TSBP1: variants seen among roughly 807,000 people sequenced by gnomAD.
TSBP1 encodes testis expressed basic protein 1.
A neutral mutation model predicts 68.8 loss-of-function variants in TSBP1; 56 were observed. That is an observed-to-expected ratio of 0.81 (90% CI 0.66 to 1.02). The LOEUF (loss-of-function observed/expected upper bound fraction) is 1.02, where lower values mean the gene tolerates loss of function less well. TSBP1 is among the 50% of genes least tolerant of loss of function. The pLI is 0.00. For synonymous variants in TSBP1, 171 were observed against 208.7 expected, an observed-to-expected ratio of 0.82 and a Z score of 1.56; for missense variants, 502 against 641.2, an observed-to-expected ratio of 0.78 and a Z score of 2.34.
At chr6:32,324,174 T>G (rs1246318282) in intron 16 of TSBP1, among the ~76,000 whole-genome samples, 3 of 152,132 alleles carry the variant, frequency 2.0e-5, no homozygotes, top group Non-Finnish European at 2.9e-5. Context: ...CAACTTAAAG[T>G]TGTTATTTAA....
rs758547173 is a variant in TSBP1 at position 32,300,678 on chromosome 6, A to G, written c.622+2T>C. On this transcript the variant is annotated splice_donor_variant, in intron 21 of 22. Coordinates refer to ENST00000612031, the Ensembl canonical transcript of TSBP1. LOFTEE classifies it high-confidence loss of function. The stretch of plus-strand genomic sequence containing the variant: ...TAAGGCAAGGAAATGATCCAAACTT[A>G]CTGATTTTTCCAGAACTGTCCACTG... 3.7e-6 allele frequency: 6 copies of G among 1,612,418 alleles called. No homozygotes were observed. The highest frequency in any genetic ancestry group is 5.1e-6 in the Non-Finnish European group (6 of 1,179,574).
chr6:32,330,663 C>CACAG, intron 15 of TSBP1, 54 bp from the exon 17 acceptor site: 2 of 1,464,306 alleles, frequency 1.4e-6, no homozygotes, highest in Non-Finnish European at 1.9e-6. Context: ...CACACACACA[C>CACAG]ACACACACAC....
At chr6:32,308,305 T>A (rs890347332) in intron 19 of TSBP1, among the ~76,000 whole-genome samples, 3 of 151,966 alleles carry the variant, frequency 2.0e-5, no homozygotes, top group African/African-American at 7.3e-5. Context: ...TAGACTTTTT[T>A]AACCCTCATT....
At chr6:32,369,373 A>ATTTTT (rs9281761) in intron 2 of TSBP1, among the ~76,000 whole-genome samples, 3 of 127,022 alleles carry the variant, frequency 2.4e-5, no homozygotes, top group African/African-American at 8.8e-5. Context: ...AAACTCTGTG[A>ATTTTT]TTTTTTTTTT....
chr6:32,369,495 C>T (rs1203931237), intron 2 of TSBP1, among the ~76,000 whole-genome samples: 5 of 151,594 alleles, frequency 3.3e-5, no homozygotes, highest in East Asian at 1.9e-4. Context: ...CTCAGTCTCC[C>T]GAGCGGCTAG....
intron 16 of TSBP1, chr6:32,324,660 T>G (rs572889426): frequency 9.0e-6 from 14 of 1,550,850 alleles, no homozygotes; most frequent in South Asian, 8.3e-5. Flanking sequence ...ACTTACTGAT[T>G]GTGTGAGGAT....
At chr6:32,309,380 A>G (rs1312245922) in intron 19 of TSBP1, among the ~76,000 whole-genome samples, 1 of 149,804 alleles carries the variant, frequency 6.7e-6, no homozygotes, top group East Asian at 1.9e-4. Context: ...CTTCTTTTTG[A>G]GTTTTTACTC....
chr6:32,331,897 T>TA lies in TSBP1; in HGVS notation c.493+136dup, dbSNP rs878946520. On this transcript the variant is annotated intron_variant, in intron 15 of 22. Coordinates refer to ENST00000612031, the Ensembl canonical transcript of TSBP1. Reference sequence around the variant, plus strand: ...CGCCTTCCCTCCAAAACCTAACAGTTACGATATGGGGAAATGAAAGTCTAA... The same window carrying TA: ...CGCCTTCCCTCCAAAACCTAACAGTTAACGATATGGGGAAATGAAAGTCTAA... The TA allele has an allele frequency of 1.8e-5, 13 of 705,988 alleles. 1 individual carries two copies. In the South Asian group the frequency reaches 2.3e-4, roughly 13 times the overall value. The allele number at this position is 705,988 out of a possible 1,614,324, so 43.7% of individuals were successfully genotyped here. A position where few individuals can be genotyped will look rare whatever the true frequency, so the allele number is the denominator to read the frequency against.
chr6:32,302,537 CA>C lies in TSBP1; in HGVS notation c.601+71del. The C allele has an allele frequency of 1.0e-6, 1 of 956,136 alleles. No homozygotes were observed. The highest frequency in any genetic ancestry group is 1.7e-6 in the Non-Finnish European group (1 of 597,142). 59.2% of individuals were successfully genotyped at this position (956,136 alleles called of 1,614,324 possible). A position where few individuals can be genotyped will look rare whatever the true frequency, so the allele number is the denominator to read the frequency against. On this transcript the variant is annotated intron_variant, in intron 20 of 22. Transcript: ENST00000612031. The surrounding 1 kb of genome is among the most constrained non-coding windows in gnomAD (Gnocchi z 5.1). The stretch of plus-strand genomic sequence containing the variant: ...AAAAACAAACATAAAACATTAAAAA[CA>C]TTTGTAGAAAAAATTTGCTCACCCC...
At position 32,325,927 on chromosome 6, in the gene TSBP1, G is replaced by A; in HGVS notation, c.515-2313C>T. On this transcript the variant is annotated intron_variant, in intron 16 of 22. Coordinates refer to ENST00000612031, the Ensembl canonical transcript of TSBP1. The surrounding 1 kb of genome is among the most constrained non-coding windows in gnomAD (Gnocchi z 4.4). The stretch of plus-strand genomic sequence containing the variant: ...TGGCAGCTGTGGTGGTGGTGGATAT[G>A]GTGGCAGTGAGGATGGCTATAATGG... 3 of 1,555,384 alleles carry A rather than the reference G, an allele frequency of 1.9e-6. No individual in the cohort carries two copies. Among genetic ancestry groups the A allele is most frequent in the Non-Finnish European group, 2.6e-6 (3 of 1,141,482 alleles).
chr6:32,371,663 A>G, intron 1 of TSBP1, 31 bp downstream of exon 1: 31 of 1,555,190 alleles, frequency 2.0e-5, no homozygotes, highest in Non-Finnish European at 2.8e-5. Context: ...ACTAGAGTTG[A>G]GGAAGCCTCA....
chr6:32,335,633 A>G lies in TSBP1; in HGVS notation c.452-176T>C, dbSNP rs1769560793. On this transcript the variant is annotated intron_variant, in intron 13 of 22. Coordinates refer to ENST00000612031, the Ensembl canonical transcript of TSBP1. The surrounding 1 kb of genome is among the most constrained non-coding windows in gnomAD (Gnocchi z 5.5). ...TTCTTGCTATGGCAAACTAGTACAT[A>G]TAAGGGCCTCCTCATCTAAAAATCC... 6.6e-6 allele frequency among the ~76,000 whole-genome samples: 1 copy of G among 152,248 alleles called. No individual in the cohort carries two copies. Among genetic ancestry groups the G allele is most frequent in the Admixed American group, 6.5e-5 (1 of 15,290 alleles).
At chr6:32,346,776 G>A (rs1340124257) in intron 9 of TSBP1, among the ~76,000 whole-genome samples, 3 of 152,084 alleles carry the variant, frequency 2.0e-5, no homozygotes, top group Non-Finnish European at 2.9e-5. Flanking sequence ...AGGTGGAGTT[G>A]CAGCGAGCCG....
At chr6:32,339,055 T>C (rs1770021034) in intron 10 of TSBP1, 56 bp from the exon 12 acceptor site, 2 of 1,434,802 alleles carry the variant, frequency 1.4e-6, no homozygotes, top group Non-Finnish European at 9.8e-7. Flanking sequence ...AGGGTGTTTA[T>C]CTCAGGGAGT....
chr6:32,371,019 A>G (rs2127670800), intron 1 of TSBP1, among the ~76,000 whole-genome samples: 1 of 152,312 alleles, frequency 6.6e-6, no homozygotes, highest in Middle Eastern at 3.4e-3. Context: ...AAGATATAAT[A>G]ACACACCTCC....
chr6:32,362,018 C>T (rs7743075), intron 6 of TSBP1, among the ~76,000 whole-genome samples: 3,431 of 151,988 alleles, frequency 0.023, 104 homozygotes, highest in East Asian at 0.078. Context: ...GGGCCGGGCG[C>T]GGTGGCTCAA....
intron 8 of TSBP1, among the ~76,000 whole-genome samples, chr6:32,354,390 G>A (rs1772043208): frequency 6.6e-6 from 1 of 151,850 alleles, no homozygotes; most frequent in Admixed American, 6.6e-5. Context: ...GTATTCAAGT[G>A]GCAATAATAG....
Position 32,304,673 on chromosome 6 carries a change from C to CT in TSBP1, c.581-2045dup, listed in dbSNP as rs979478791. On this transcript the variant is annotated intron_variant, in intron 19 of 22. Transcript: ENST00000612031. The surrounding 1 kb of genome is among the most constrained non-coding windows in gnomAD (Gnocchi z 4.8). Reference sequence around the variant, plus strand: ...CTAATTTATGTTCTCTCTTCATCGTCTTTTTTGTCTTTTCATGTTTTCTCT... The same window carrying CT: ...CTAATTTATGTTCTCTCTTCATCGTCTTTTTTTGTCTTTTCATGTTTTCTCT... Among the ~76,000 whole-genome samples the CT allele has an allele frequency of 2.0e-5, 3 of 152,124 alleles. No homozygotes were observed. The highest frequency in any genetic ancestry group is 7.2e-5 in the African/African-American group (3 of 41,422).
At chr6:32,297,423 A>G (rs1764826780) in intron 22 of TSBP1, among the ~76,000 whole-genome samples, 1 of 152,254 alleles carries the variant, frequency 6.6e-6, no homozygotes, top group Admixed American at 6.5e-5. Flanking sequence ...GCTAAAAGAT[A>G]TCATGAAATA....
Sources: gnomAD v4.1 joint callset for allele counts (sites outside exome capture counted in the v4.1 genomes callset) on GRCh38, gnomAD v4.1.1 for gene constraint, Gnocchi (gnomAD v3.1) non-coding constraint, MANE v1.5 for transcripts, NCBI Gene and HGNC (gene_info 2026-07-23, HGNC 2026-07-21) for gene names.